ZFAND3: variants seen among roughly 807,000 people sequenced by gnomAD.
ZFAND3 encodes AN1-type zinc finger protein 3.
ZFAND3 carries 10 observed loss-of-function variants against 29.6 expected under a neutral mutation model. That is an observed-to-expected ratio of 0.34 (90% CI 0.21 to 0.57). ZFAND3 has a LOEUF of 0.57. Among genes scored for constraint, ZFAND3 ranks in the 20% least tolerant of loss-of-function variants. The pLI is 0.86. For missense variants in ZFAND3, 230 were observed against 304.5 expected (o/e 0.76, Z 1.82); for synonymous variants, 128 against 112.6 (o/e 1.14, Z -0.87).
chr6:37,903,492 A>G (rs1402592000), intron 1 of ZFAND3, among the ~76,000 whole-genome samples: 1 of 152,176 alleles, frequency 6.6e-6, no homozygotes, highest in Non-Finnish European at 1.5e-5. Context: ...AGCGTCTCCT[A>G]TCTACTGTAT....
rs1015644943 is a variant in ZFAND3, at chr6:37,934,359, C to T, written c.112+4360C>T. ...TCAGTCTTAAGAGAAAGGCCTTGACCTAGAAACCTTTATCATCCAATATTT... is the reference window on the plus strand; with the variant it reads ...TCAGTCTTAAGAGAAAGGCCTTGACTTAGAAACCTTTATCATCCAATATTT... On this transcript the variant is annotated intron_variant, in intron 2 of 5. Coordinates refer to ENST00000287218, the MANE Select transcript of ZFAND3 (RefSeq NM_021943.3). Among the ~76,000 whole-genome samples, 8 of 151,908 alleles carry T rather than the reference C, an allele frequency of 5.3e-5. No homozygotes were observed. The South Asian group carries it at 1.7e-3, about 32-fold the overall frequency.
intron 1 of ZFAND3, among the ~76,000 whole-genome samples, chr6:37,892,793 T>C (rs1307908914): frequency 6.6e-6 from 1 of 152,014 alleles, no homozygotes; most frequent in Admixed American, 6.6e-5. Context: ...CTTACAGAAA[T>C]ACAAAGGATT....
intron 4 of ZFAND3, among the ~76,000 whole-genome samples, chr6:38,096,908 G>A (rs1484778901): frequency 1.3e-5 from 2 of 151,894 alleles, no homozygotes; most frequent in East Asian, 1.9e-4. Flanking sequence ...ATTCATTAGC[G>A]GTTAGATTTG....
intron 4 of ZFAND3, among the ~76,000 whole-genome samples, chr6:38,115,762 G>A (rs1463824141): frequency 6.6e-6 from 1 of 152,216 alleles, no homozygotes; most frequent in African/African-American, 2.4e-5. Context: ...GAAGGCAAGA[G>A]TCGTTTACAG....
chr6:38,123,840 C>T (rs112749384), intron 5 of ZFAND3, among the ~76,000 whole-genome samples: 10,363 of 152,038 alleles, frequency 0.068, 425 homozygotes, highest in Non-Finnish European at 0.087. Context: ...TGCAGACCTT[C>T]GCGGTGAGTG....
intron 1 of ZFAND3, among the ~76,000 whole-genome samples, chr6:37,921,449 T>C (rs1212365955): frequency 1.3e-5 from 2 of 152,002 alleles, no homozygotes; most frequent in South Asian, 2.1e-4. Context: ...AAAAAGTTGT[T>C]GAGGAACATT....
intron 2 of ZFAND3, among the ~76,000 whole-genome samples, chr6:38,030,043 T>G (rs1224314291): frequency 7.5e-6 from 1 of 133,758 alleles, no homozygotes; most frequent in Non-Finnish European, 1.6e-5. Flanking sequence ...TGTTATGTAG[T>G]TCTGCTGGAT....
intron 2 of ZFAND3, among the ~76,000 whole-genome samples, chr6:37,972,775 G>C (rs2127429218): frequency 6.6e-6 from 1 of 151,744 alleles, no homozygotes; most frequent in South Asian, 2.1e-4. Flanking sequence ...GTGAGTGATA[G>C]ATAATATTTG....
chr6:37,859,876 T>C (rs1385597956), intron 1 of ZFAND3, among the ~76,000 whole-genome samples: 2 of 138,566 alleles, frequency 1.4e-5, no homozygotes, highest in African/African-American at 5.6e-5. Context: ...TTTTTTTTTT[T>C]CTTTCTTTTT....
chr6:38,069,711 C>T (rs1430110778), intron 3 of ZFAND3, among the ~76,000 whole-genome samples: 1 of 152,218 alleles, frequency 6.6e-6, no homozygotes, highest in East Asian at 1.9e-4. Context: ...AAGTTAATCT[C>T]TGTCAAAATA....
chr6:38,144,171 G>GATATATATATATATATATATATATTAT (rs1315714773), intron 5 of ZFAND3, among the ~76,000 whole-genome samples: 1 of 87,340 alleles, frequency 1.1e-5, no homozygotes, highest in Non-Finnish European at 2.1e-5. Context: ...AGAAAAATGT[G>GATATATATATATATATATATATATTAT]ATATATATAT....
chr6:37,932,008 C>T (rs34618835), intron 2 of ZFAND3, among the ~76,000 whole-genome samples: 12,578 of 152,234 alleles, frequency 0.083, 630 homozygotes, highest in African/African-American at 0.14. Flanking sequence ...CAGTGGCTCA[C>T]GCCTATAATC....
intron 1 of ZFAND3, among the ~76,000 whole-genome samples, chr6:37,919,983 A>G (rs1581761880): frequency 7.0e-6 from 1 of 142,052 alleles, no homozygotes; most frequent in South Asian, 2.2e-4. Flanking sequence ...AATCCCAAAC[A>G]CCATTCCTTT....
chr6:38,011,071 A>G (rs1170207586), intron 2 of ZFAND3, among the ~76,000 whole-genome samples: 1 of 151,980 alleles, frequency 6.6e-6, no homozygotes, highest in East Asian at 1.9e-4. Context: ...AATTCATATT[A>G]ATGGATGTAT....
chr6:38,107,535 T>A (rs1765232691), intron 4 of ZFAND3, among the ~76,000 whole-genome samples: 1 of 152,124 alleles, frequency 6.6e-6, no homozygotes, highest in African/African-American at 2.4e-5. Context: ...AGTATACAAT[T>A]AAATATTCCC....
intron 1 of ZFAND3, among the ~76,000 whole-genome samples, chr6:37,855,591 G>C (rs1044290933): frequency 1.3e-5 from 2 of 152,158 alleles, no homozygotes; most frequent in African/African-American, 2.4e-5. Context: ...TTTGATGTTA[G>C]AGACTTTTTT....
chr6:37,888,173 A>G (rs568784565), intron 1 of ZFAND3, among the ~76,000 whole-genome samples: 4 of 152,274 alleles, frequency 2.6e-5, no homozygotes, highest in African/African-American at 9.6e-5. Context: ...GCTTCCATAT[A>G]TTAGAGTATG....
chr6:38,149,411 A>C (rs1280852350), intron 5 of ZFAND3, among the ~76,000 whole-genome samples: 2 of 69,682 alleles, frequency 2.9e-5, no homozygotes, highest in Non-Finnish European at 5.5e-5. Flanking sequence ...ACCCTGTCTC[A>C]AAAAAAAAAA....
chr6:37,973,684 T>C (rs1169871786), intron 2 of ZFAND3, among the ~76,000 whole-genome samples: 2 of 152,252 alleles, frequency 1.3e-5, no homozygotes, highest in Admixed American at 1.3e-4. Flanking sequence ...TAAGCTAGTG[T>C]TTCTGAGAGA....
Sources: allele counts gnomAD v4.1 joint callset (sites outside exome capture counted in the v4.1 genomes callset), GRCh38; gene constraint gnomAD v4.1.1; transcripts MANE v1.5; gene names NCBI Gene and HGNC (gene_info 2026-07-23, HGNC 2026-07-21).